RORA: variants seen among roughly 807,000 people sequenced by gnomAD.
RORA encodes RAR related orphan receptor A.
A neutral mutation model predicts 69.5 loss-of-function variants in RORA; 7 were observed. The ratio of observed to expected loss-of-function variants is 0.10; its 90% confidence interval spans 0.06 to 0.19. RORA has a LOEUF of 0.19. Ranked by LOEUF, RORA falls within the 10% of genes least tolerant of loss-of-function variation. The pLI, the probability that RORA is intolerant of heterozygous loss-of-function variation, is 1.00. For missense variants in RORA, 457 were observed against 663.0 expected (o/e 0.69, Z 3.41); for synonymous variants, 261 against 240.8 (o/e 1.08, Z -0.78).
chr15:60,743,258 G>A (rs1595677613), intron 1 of RORA, among the ~76,000 whole-genome samples: 2 of 151,868 alleles, frequency 1.3e-5, no homozygotes, highest in South Asian at 2.1e-4. Flanking sequence ...CAAGTGATCC[G>A]ACCGCCTCGG....
chr15:60,492,708 G>C lies in RORA; in HGVS notation c.*4747C>G, dbSNP rs1174529497. 6.6e-6 allele frequency: 1 copy of C among 152,084 alleles called. No individual in the cohort carries two copies. The highest frequency in any genetic ancestry group is 1.9e-4 in the East Asian group (1 of 5,204). The allele number at this position is 152,084 out of a possible 1,614,324, so 9.4% of individuals were successfully genotyped here. A position where few individuals can be genotyped will look rare whatever the true frequency, so the allele number is the denominator to read the frequency against. On this transcript the variant is annotated 3_prime_UTR_variant, in exon 11 of 11. Coordinates refer to ENST00000335670, the MANE Select transcript of RORA (RefSeq NM_134261.3). Reference sequence around the variant, plus strand: ...CTGGAATATGCAAGGACTATACTTTGAATGATGCTCTTTGCTGGTACATTA... The same window carrying C: ...CTGGAATATGCAAGGACTATACTTTCAATGATGCTCTTTGCTGGTACATTA...
At chr15:61,090,506 T>C (rs551578675) in intron 1 of RORA, among the ~76,000 whole-genome samples, 1 of 152,348 alleles carries the variant, frequency 6.6e-6, no homozygotes, top group Admixed American at 6.5e-5. Context: ...AATGTACTCA[T>C]TGTGTAATTT....
At chr15:60,972,690 G>A (rs1004749121) in intron 1 of RORA, among the ~76,000 whole-genome samples, 5 of 152,110 alleles carry the variant, frequency 3.3e-5, no homozygotes, top group African/African-American at 4.8e-5. Flanking sequence ...TGTGATCCCA[G>A]GAAAATCATT....
At chr15:60,749,419 A>G (rs2071691812) in intron 1 of RORA, among the ~76,000 whole-genome samples, 1 of 152,218 alleles carries the variant, frequency 6.6e-6, no homozygotes, top group African/African-American at 2.4e-5. Flanking sequence ...TTTCTAACTA[A>G]TATTCTATGG....
rs536326297 is a variant in RORA, at chr15:61,054,509, T to C, written c.166+174544A>G. Among the ~76,000 whole-genome samples, 12 of 152,310 alleles carry C rather than the reference T, an allele frequency of 7.9e-5. No individual in the cohort carries two copies. In the South Asian group the frequency reaches 2.5e-3, roughly 32 times the overall value. On this transcript the variant is annotated intron_variant, in intron 1 of 10. Coordinates refer to ENST00000335670, the MANE Select transcript of RORA (RefSeq NM_134261.3). ...CAACAGGATTGGAACCCAAAGCCCC[T>C]GGATTTCTCATCCTCACTGAGGCAC...
intron 1 of RORA, among the ~76,000 whole-genome samples, chr15:60,838,547 AC>A (rs2073149768): frequency 6.6e-6 from 1 of 151,810 alleles, no homozygotes; most frequent in Non-Finnish European, 1.5e-5. Flanking sequence ...AGACTGAAAG[AC>A]CCCTCTTTCT....
chr15:60,728,862 G>C (rs1321127239), intron 1 of RORA, among the ~76,000 whole-genome samples: 1 of 152,118 alleles, frequency 6.6e-6, no homozygotes, highest in Non-Finnish European at 1.5e-5. Context: ...AGTACTATAA[G>C]AAAGGTGCAG....
At chr15:60,740,670 A>C (rs978940183) in intron 1 of RORA, among the ~76,000 whole-genome samples, 4 of 152,198 alleles carry the variant, frequency 2.6e-5, no homozygotes, top group African/African-American at 9.7e-5. Flanking sequence ...ATAATAAAAA[A>C]ATCTCAGTGG....
intron 2 of RORA, among the ~76,000 whole-genome samples, chr15:60,664,040 A>C (rs1374203096): frequency 6.6e-6 from 1 of 152,212 alleles, no homozygotes; most frequent in East Asian, 1.9e-4. Context: ...AGAGAAACGT[A>C]TCAACAGAAT....
rs190904189 is a variant in RORA at position 61,151,063 on chromosome 15, A to G, written c.166+77990T>C. ...TGCACACATGCTGTAATTCCTACCC[A>G]TCATCCAGAGCAGACATCACCAATA... On this transcript the variant is annotated intron_variant, in intron 1 of 10. Coordinates refer to ENST00000335670, the MANE Select transcript of RORA (RefSeq NM_134261.3). Among the ~76,000 whole-genome samples, 347 of 152,346 alleles carry G rather than the reference A, an allele frequency of 2.3e-3. 2 individuals carry two copies. The highest frequency in any genetic ancestry group is 7.7e-3 in the African/African-American group (322 of 41,590).
intron 1 of RORA, among the ~76,000 whole-genome samples, chr15:60,810,759 A>G (rs917354885): frequency 4.0e-5 from 6 of 150,920 alleles, no homozygotes; most frequent in African/African-American, 1.5e-4. Context: ...TGTTTCCTCT[A>G]ACTTGCTGCT....
intron 1 of RORA, among the ~76,000 whole-genome samples, chr15:60,809,897 G>A (rs976700699): frequency 6.6e-5 from 10 of 151,702 alleles, no homozygotes; most frequent in African/African-American, 2.4e-4. Context: ...AATGCATTCA[G>A]ACAAATCAGG....
chr15:61,015,731 G>C (rs1254194539), intron 1 of RORA, among the ~76,000 whole-genome samples: 2 of 152,216 alleles, frequency 1.3e-5, no homozygotes, highest in African/African-American at 4.8e-5. Context: ...AAAATCAGCT[G>C]CATACATGGG....
At chr15:61,219,061 C>T (rs2080069119) in intron 1 of RORA, among the ~76,000 whole-genome samples, 1 of 152,158 alleles carries the variant, frequency 6.6e-6, no homozygotes, top group Admixed American at 6.5e-5. Flanking sequence ...TAAATCAGAG[C>T]ATGAGACTTG....
intron 1 of RORA, among the ~76,000 whole-genome samples, chr15:60,679,084 G>A (rs543511106): frequency 1.3e-5 from 2 of 152,262 alleles, no homozygotes; most frequent in Admixed American, 1.3e-4. Context: ...GAGCAACACG[G>A]CAATTAATTT....
intron 2 of RORA, among the ~76,000 whole-genome samples, chr15:60,575,862 C>T (rs2068009684): frequency 6.6e-6 from 1 of 152,242 alleles, no homozygotes; most frequent in Non-Finnish European, 1.5e-5. Context: ...AATTATCTTA[C>T]ACTTCTGTTT....
rs1491358908 is a variant in RORA, at chr15:60,515,961, ATT to A, written c.283-1206_283-1205del. Among the ~76,000 whole-genome samples, 40 of 27,380 alleles carry A rather than the reference ATT, an allele frequency of 1.5e-3. 5 individuals carry two copies. The highest frequency in any genetic ancestry group is 2.6e-3 in the South Asian group (2 of 780). The allele number at this position is 27,380 out of a possible 152,430, so 18.0% of individuals were successfully genotyped here. On this transcript the variant is annotated intron_variant, in intron 3 of 10. Transcript: ENST00000335670. The stretch of plus-strand genomic sequence containing the variant: ...TATTTATATATATTTATATATTTAT[ATT>A]TATATATATTTATATATTTATATAT...
At chr15:60,884,224 CAAG>C (rs1052726784) in intron 1 of RORA, among the ~76,000 whole-genome samples, 3 of 151,586 alleles carry the variant, frequency 2.0e-5, no homozygotes, top group Admixed American at 6.6e-5. Context: ...GAGAGAAGGA[CAAG>C]AAGAAGAAGA....
At chr15:61,149,635 G>A (rs2079381086) in intron 1 of RORA, among the ~76,000 whole-genome samples, 1 of 152,134 alleles carries the variant, frequency 6.6e-6, no homozygotes. Flanking sequence ...GATTAGAACT[G>A]TTGAGATTCC....
Sources: allele counts gnomAD v4.1 joint callset (sites outside exome capture counted in the v4.1 genomes callset), GRCh38; gene constraint gnomAD v4.1.1; transcripts MANE v1.5; gene names NCBI Gene and HGNC (gene_info 2026-07-23, HGNC 2026-07-21).